DNER: variants seen among roughly 807,000 people sequenced by gnomAD.
The protein encoded by DNER is delta and Notch-like epidermal growth factor-related receptor.
Under a neutral mutation model 78.2 loss-of-function variants are expected in DNER, and 33 were observed. That is an observed-to-expected ratio of 0.42 (90% CI 0.32 to 0.56). The LOEUF is 0.56. DNER is among the 20% of genes least tolerant of loss of function. The probability of loss-of-function intolerance (pLI) is 0.11; values close to 1 mark genes in which losing one functional copy is unlikely to be tolerated. For synonymous variants in DNER, 417 were observed against 384.8 expected, an observed-to-expected ratio of 1.08 and a Z score of -0.98; for missense variants, 918 against 975.3, an observed-to-expected ratio of 0.94 and a Z score of 0.78.
chr2:229,609,602 G>A (rs6746223), intron 1 of DNER, among the ~76,000 whole-genome samples: 2,422 of 152,102 alleles, frequency 0.016, 69 homozygotes, highest in African/African-American at 0.055. Context: ...TTAACTATCC[G>A]CCCTTTACAG....
intron 9 of DNER, among the ~76,000 whole-genome samples, chr2:229,409,845 C>T (rs1693470710): frequency 6.6e-6 from 1 of 152,116 alleles, no homozygotes; most frequent in Non-Finnish European, 1.5e-5. Flanking sequence ...ATTTCTATAT[C>T]GTAAACCTTG....
At chr2:229,444,259 A>G (rs1341634200) in intron 8 of DNER, among the ~76,000 whole-genome samples, 2 of 152,334 alleles carry the variant, frequency 1.3e-5, no homozygotes, top group East Asian at 1.9e-4. Context: ...ACAGAAAGAA[A>G]GAAGAGCTTT....
chr2:229,674,290 T>C (rs1236675206), intron 1 of DNER, among the ~76,000 whole-genome samples: 1 of 152,206 alleles, frequency 6.6e-6, no homozygotes, highest in Non-Finnish European at 1.5e-5. Flanking sequence ...TTCTTCTTTT[T>C]TGGTGGGGGA....
intron 1 of DNER, among the ~76,000 whole-genome samples, chr2:229,663,626 G>A (rs375541075): frequency 1.4e-4 from 21 of 152,248 alleles, no homozygotes; most frequent in East Asian, 1.4e-3. Flanking sequence ...CAATTGTATC[G>A]TGCAAAGCAG....
intron 12 of DNER, among the ~76,000 whole-genome samples, chr2:229,360,678 C>T (rs1339163818): frequency 6.6e-6 from 1 of 152,186 alleles, no homozygotes; most frequent in Non-Finnish European, 1.5e-5. Flanking sequence ...TCCCAAAGTG[C>T]TGAGATTACA....
intron 5 of DNER, among the ~76,000 whole-genome samples, chr2:229,537,209 A>T (rs1696419867): frequency 6.6e-6 from 1 of 152,176 alleles, no homozygotes; most frequent in Admixed American, 6.5e-5. Context: ...CCAAAATGCC[A>T]TAAGGTCAAC....
intron 10 of DNER, among the ~76,000 whole-genome samples, chr2:229,391,669 G>A (rs1693019021): frequency 6.6e-6 from 1 of 152,126 alleles, no homozygotes; most frequent in Non-Finnish European, 1.5e-5. Context: ...AGCCTCCCCA[G>A]TAGCTGGGAT....
chr2:229,571,924 C>T (rs1697224567), intron 4 of DNER, among the ~76,000 whole-genome samples: 1 of 152,058 alleles, frequency 6.6e-6, no homozygotes, highest in African/African-American at 2.4e-5. Context: ...CATAACACTC[C>T]CCATGTTATA....
intron 1 of DNER, among the ~76,000 whole-genome samples, chr2:229,681,081 C>G (rs1031308043): frequency 1.3e-5 from 2 of 152,206 alleles, no homozygotes; most frequent in African/African-American, 2.4e-5. Context: ...ACAACCAGCT[C>G]TCTGAGGAAG....
chr2:229,526,747 T>A (rs1696218478), intron 5 of DNER, among the ~76,000 whole-genome samples: 1 of 152,202 alleles, frequency 6.6e-6, no homozygotes, highest in African/African-American at 2.4e-5. Flanking sequence ...CCTAACGCCA[T>A]GGGCAGGTAC....
At chr2:229,590,157 A>C (rs1168029754) in intron 2 of DNER, among the ~76,000 whole-genome samples, 5 of 152,172 alleles carry the variant, frequency 3.3e-5, no homozygotes, top group Non-Finnish European at 7.4e-5. Flanking sequence ...TACACTCCCC[A>C]GTGTCACTTC....
chr2:229,512,107 G>C (rs6759186), intron 6 of DNER, among the ~76,000 whole-genome samples: 6,998 of 152,280 alleles, frequency 0.046, 227 homozygotes, highest in East Asian at 0.13. Flanking sequence ...ATTAGGCTGG[G>C]CAAAGTGTCT....
At chr2:229,700,887 C>T (rs1699735842) in intron 1 of DNER, among the ~76,000 whole-genome samples, 2 of 145,504 alleles carry the variant, frequency 1.4e-5, no homozygotes, top group Admixed American at 6.9e-5. Context: ...AGCGAGACTC[C>T]GTCTCAAAAA....
At chr2:229,551,036 C>T (rs1428326050) in intron 4 of DNER, among the ~76,000 whole-genome samples, 1 of 152,166 alleles carries the variant, frequency 6.6e-6, no homozygotes, top group Admixed American at 6.5e-5. Context: ...CAGGTTTACT[C>T]AAAGTATTGC....
intron 1 of DNER, among the ~76,000 whole-genome samples, chr2:229,689,188 C>A (rs138726653): frequency 2.6e-5 from 4 of 152,138 alleles, no homozygotes; most frequent in Non-Finnish European, 4.4e-5. Context: ...TATGCCTATA[C>A]GTTTAGCCTA....
intron 1 of DNER, among the ~76,000 whole-genome samples, chr2:229,622,843 T>C (rs4375853): frequency 0.9 from 137,280 of 152,186 alleles, 62,034 homozygotes; most frequent in East Asian, 0.98. Flanking sequence ...GGAGAGAGGC[T>C]TGGAACAGAT....
chr2:229,580,407 C>T (rs1480175635), intron 4 of DNER: 1 of 152,118 alleles, frequency 6.6e-6, no homozygotes. Flanking sequence ...CTGGATTAAA[C>T]AGTAACATGC....
chr2:229,361,117 G>A (rs1214509459), intron 12 of DNER, among the ~76,000 whole-genome samples: 1 of 152,102 alleles, frequency 6.6e-6, no homozygotes, highest in Admixed American at 6.6e-5. Context: ...ACAGTACAAT[G>A]AAAAGACTTT....
At chr2:229,478,127 T>A (rs926542379) in intron 6 of DNER, among the ~76,000 whole-genome samples, 3 of 152,032 alleles carry the variant, frequency 2.0e-5, no homozygotes, top group Admixed American at 2.0e-4. Flanking sequence ...AAGAAAAAAA[T>A]GTGCCCTTGG....
Sources: allele counts gnomAD v4.1 joint callset (sites outside exome capture counted in the v4.1 genomes callset), GRCh38; gene constraint gnomAD v4.1.1; transcripts MANE v1.5; gene names NCBI Gene and HGNC (gene_info 2026-07-23, HGNC 2026-07-21).